The following RBMS1 variants were observed in gnomAD, a reference collection of about 807,000 sequenced individuals.
RBMS1 encodes RNA binding motif single stranded interacting protein 1.
RBMS1 carries 17 observed loss-of-function variants against 62.3 expected under a neutral mutation model. The observed-to-expected ratio is 0.27, with a 90% confidence interval of 0.19 to 0.41. RBMS1 has a LOEUF of 0.41. RBMS1 is among the 10% of genes least tolerant of loss of function. RBMS1 has a pLI of 1.00. For missense variants in RBMS1, 334 were observed against 504.5 expected (o/e 0.66, Z 3.24); for synonymous variants, 172 against 170.0 (o/e 1.01, Z -0.09).
At chr2:160,459,110 G>A (rs959720519) in intron 1 of RBMS1, among the ~76,000 whole-genome samples, 2 of 152,188 alleles carry the variant, frequency 1.3e-5, no homozygotes, top group African/African-American at 4.8e-5. Flanking sequence ...TTTTGAGATT[G>A]TTTGGGTTAG....
intron 1 of RBMS1, among the ~76,000 whole-genome samples, chr2:160,392,882 G>A: frequency 6.6e-6 from 1 of 151,822 alleles, no homozygotes; most frequent in East Asian, 1.9e-4. Context: ...GGGCAACAGA[G>A]CAAGACCCTG....
intron 1 of RBMS1, among the ~76,000 whole-genome samples, chr2:160,372,791 G>C (rs1224193106): frequency 6.6e-6 from 1 of 152,116 alleles, no homozygotes; most frequent in Non-Finnish European, 1.5e-5. Context: ...AACTAAATGT[G>C]GGAGGTGAAC....
intron 1 of RBMS1, among the ~76,000 whole-genome samples, chr2:160,409,739 T>G (rs903642498): frequency 8.2e-4 from 125 of 152,234 alleles, no homozygotes; most frequent in African/African-American, 2.9e-3. Context: ...ATAGATTAAT[T>G]TTTCTATGGC....
chr2:160,285,014 T>C lies in RBMS1; in HGVS notation c.787A>G (p.Thr263Ala), dbSNP rs1232598804. 2.5e-6 allele frequency: 4 copies of C among 1,613,158 alleles called. No individual in the cohort carries two copies. Among genetic ancestry groups the C allele is most frequent in the Admixed American group, 3.3e-5 (2 of 60,004 alleles). Residue 263 changes from threonine (T) to alanine (A), a missense_variant, in exon 8 of 14, where the codon ACA becomes GCA. Physicochemically the swap from Thr to Ala is moderately conservative, Grantham distance 58. This residue lies in a region of RBMS1 where 182 missense variants were observed against 257.7 expected (regional missense o/e 0.71). Transcript: ENST00000348849. ...AGMTLTYDPT[T>A]AAIQNGFYPS... ...ACATACCCGTTCTGTATAGCAGCTG[T>C]AGTTGGGTCGTAAGTAAGTGTCATT...
At chr2:160,284,037 C>T (rs1019460400) in intron 9 of RBMS1, 13 of 152,176 alleles carry the variant, frequency 8.5e-5, no homozygotes, top group African/African-American at 3.1e-4. Flanking sequence ...TCTGCTCCCA[C>T]ATGTCTGCAA....
intron 1 of RBMS1, among the ~76,000 whole-genome samples, chr2:160,422,390 A>G (rs1162863193): frequency 6.6e-6 from 1 of 152,132 alleles, no homozygotes; most frequent in African/African-American, 2.4e-5. Flanking sequence ...TGTAATTCCA[A>G]TTCTTCCATC....
intron 1 of RBMS1, among the ~76,000 whole-genome samples, chr2:160,448,942 C>T (rs937933270): frequency 1.3e-4 from 20 of 151,978 alleles, no homozygotes; most frequent in Non-Finnish European, 4.4e-5. Context: ...TCTGCCCGGT[C>T]GCCATCCCGT....
intron 3 of RBMS1, among the ~76,000 whole-genome samples, chr2:160,316,072 A>G (rs1690203668): frequency 6.6e-6 from 1 of 152,144 alleles, no homozygotes; most frequent in African/African-American, 2.4e-5. Context: ...ATAATCTTTT[A>G]TGCATTTATT....
chr2:160,340,636 A>G (rs1473037086), intron 2 of RBMS1, among the ~76,000 whole-genome samples: 1 of 152,196 alleles, frequency 6.6e-6, no homozygotes, highest in Non-Finnish European at 1.5e-5. Flanking sequence ...CTGATATACA[A>G]CTTATAAAAG....
intron 1 of RBMS1, among the ~76,000 whole-genome samples, chr2:160,420,462 T>C (rs1696379079): frequency 6.6e-6 from 1 of 152,238 alleles, no homozygotes; most frequent in Non-Finnish European, 1.5e-5. Flanking sequence ...ATGGTATTAA[T>C]GCCTAAATTA....
In RBMS1 at chr2:160,493,540, TCTTCCTCC is replaced by T; in HGVS notation, c.-185_-178del. 5.0e-6 allele frequency: 3 copies of T among 600,614 alleles called. No individual in the cohort carries two copies. Among genetic ancestry groups the T allele is most frequent in the Non-Finnish European group, 8.8e-6 (3 of 340,060 alleles). 37.2% of individuals were successfully genotyped at this position (600,614 alleles called of 1,614,324 possible). On this transcript the variant is annotated 5_prime_UTR_variant, in exon 1 of 14. Transcript: ENST00000348849. ...CCAGACGTCCTCCTCCTCCTCCTCCTCTTCCTCCTCCTCCTCCTCCTCCTCCTCCTCTT... is the reference window on the plus strand; with the variant it reads ...CCAGACGTCCTCCTCCTCCTCCTCCTTCCTCCTCCTCCTCCTCCTCCTCTT...
intron 1 of RBMS1, among the ~76,000 whole-genome samples, chr2:160,451,325 G>A (rs368570487): frequency 3.9e-5 from 6 of 151,994 alleles, no homozygotes; most frequent in Admixed American, 6.6e-5. Context: ...CAAAATATCC[G>A]TGATTAACCC....
chr2:160,418,578 C>A (rs891745776), intron 1 of RBMS1, among the ~76,000 whole-genome samples: 3 of 152,176 alleles, frequency 2.0e-5, no homozygotes, highest in Non-Finnish European at 4.4e-5. Flanking sequence ...GTATCTGATA[C>A]TTCATATTTG....
intron 4 of RBMS1, among the ~76,000 whole-genome samples, 184 bp from the exon 5 acceptor site, chr2:160,303,671 C>T (rs1181189220): frequency 6.6e-6 from 1 of 152,134 alleles, no homozygotes; most frequent in Non-Finnish European, 1.5e-5. Flanking sequence ...TCTGTGCAGG[C>T]CAGACACGAT....
At chr2:160,487,164 CTGG>C (rs1386812979) in intron 1 of RBMS1, among the ~76,000 whole-genome samples, 5 of 152,164 alleles carry the variant, frequency 3.3e-5, no homozygotes, top group African/African-American at 1.2e-4. Context: ...CAAAACAATG[CTGG>C]TAAGTAAAAA....
chr2:160,379,930 G>C (rs1274343679), intron 1 of RBMS1, among the ~76,000 whole-genome samples: 1 of 152,164 alleles, frequency 6.6e-6, no homozygotes, highest in Non-Finnish European at 1.5e-5. Flanking sequence ...TGGGTGTGGA[G>C]ATCAGTGGGC....
intron 2 of RBMS1, among the ~76,000 whole-genome samples, chr2:160,353,477 C>T (rs1361104269): frequency 1.3e-5 from 2 of 152,120 alleles, no homozygotes; most frequent in African/African-American, 2.4e-5. Context: ...AACAAAGAAA[C>T]TCCAAATCCT....
At position 160,493,620 on chromosome 2, in the gene RBMS1, C is replaced by A. The variant is rs896907661; in HGVS notation, c.-257G>T. ...AGGCAGAAAGAAAGACACTGCAGAG[C>A]GCAGAGGGCACCCCGGACAGGGCGC... On this transcript the variant is annotated 5_prime_UTR_variant, in exon 1 of 14. Coordinates refer to ENST00000348849, the MANE Select transcript of RBMS1 (RefSeq NM_016836.4). The A allele has an allele frequency of 1.8e-6, 1 of 562,042 alleles. No homozygotes were observed. Among genetic ancestry groups the A allele is most frequent in the Non-Finnish European group, 3.2e-6 (1 of 314,526 alleles). 34.8% of individuals were successfully genotyped at this position (562,042 alleles called of 1,614,324 possible). A position where few individuals can be genotyped will look rare whatever the true frequency, so the allele number is the denominator to read the frequency against.
In RBMS1 at chr2:160,275,694, C is replaced by T. The variant is rs1305064936; in HGVS notation, c.1164G>A (p.Gln388=). 3.7e-6 allele frequency: 6 copies of T among 1,613,676 alleles called. No homozygotes were observed. Among genetic ancestry groups the T allele is most frequent in the African/African-American group, 1.3e-5 (1 of 74,888 alleles). ...VPVEEASGQQ[Q]VAVETSNDHS... ...GGTCATTAGACGTCTCGACAGCCAC[C>T]TGCTGTTGACCACTTGCCTCCTACA... Residue 388 remains glutamine (Q), a synonymous_variant, in exon 13 of 14, where the codon CAG becomes CAA. Coordinates refer to ENST00000348849, the MANE Select transcript of RBMS1 (RefSeq NM_016836.4).
Sources: gnomAD v4.1 joint callset for allele counts (sites outside exome capture counted in the v4.1 genomes callset) on GRCh38, gnomAD v4.1.1 for gene constraint, gnomAD v4.1.1 regional missense constraint, MANE v1.5 for transcripts, NCBI Gene and HGNC (gene_info 2026-07-23, HGNC 2026-07-21) for gene names.